The following HDAC11 variants were observed in gnomAD, a reference collection of about 807,000 sequenced individuals.
HDAC11 encodes histone deacetylase 11.
In HDAC11, 23 loss-of-function variants were observed where a neutral mutation model predicts 41.1. The observed-to-expected ratio is 0.56, with a 90% CI of 0.40 to 0.79. HDAC11 has a LOEUF of 0.79. Among genes scored for constraint, HDAC11 ranks in the 30% least tolerant of loss-of-function variants. The pLI is 0.00. For missense variants in HDAC11, 402 were observed against 477.3 expected (o/e 0.84, Z 1.47); for synonymous variants, 187 against 186.6 (o/e 1.00, Z -0.02).
chr3:13,486,588 T>C (rs939994696), intron 3 of HDAC11, among the ~76,000 whole-genome samples: 10 of 148,154 alleles, frequency 6.7e-5, no homozygotes, highest in Non-Finnish European at 1.2e-4. Context: ...TTTTTTTTTT[T>C]TTTTTTTGGA....
intron 3 of HDAC11, among the ~76,000 whole-genome samples, chr3:13,491,293 A>G (rs9857419): frequency 2.4e-3 from 360 of 152,144 alleles, no homozygotes; most frequent in African/African-American, 8.2e-3. Context: ...TCTTAGACAG[A>G]GGGCTTTCAA....
In HDAC11 at chr3:13,504,757, G is replaced by T. The variant is rs1246885347; in HGVS notation, c.*74G>T. The stretch of plus-strand genomic sequence containing the variant: ...GCTTTTTGTTTTCTAACCTCATGGG[G>T]TGGTGGAGGCAGCCTTCAGTGAGCA... On this transcript the variant is annotated 3_prime_UTR_variant, in exon 10 of 10. Transcript: ENST00000295757. The T allele has an allele frequency of 3.0e-6, 4 of 1,336,284 alleles. No homozygotes were observed. The African/African-American group carries it at 5.8e-5, about 19-fold the overall frequency. The allele number at this position is 1,336,284 out of a possible 1,614,324, so 82.8% of individuals were successfully genotyped here.
At position 13,498,571 on chromosome 3, in the gene HDAC11, G is replaced by A; in HGVS notation, c.412+16G>A. 6.2e-7 allele frequency: 1 copy of A among 1,613,556 alleles called. No individual in the cohort carries two copies. The highest frequency in any genetic ancestry group is 1.7e-5 in the Admixed American group (1 of 60,000). Reference sequence around the variant, plus strand: ...ATCAACGTGGGTGAGTGCTGGGAATGTCCTCGGGAATGTCCAGCCCGGCTT... The same window carrying A: ...ATCAACGTGGGTGAGTGCTGGGAATATCCTCGGGAATGTCCAGCCCGGCTT... On this transcript the variant is annotated intron_variant, in intron 5 of 9. Coordinates refer to ENST00000295757, the MANE Select transcript of HDAC11 (RefSeq NM_024827.4).
intron 2 of HDAC11, among the ~76,000 whole-genome samples, chr3:13,482,145 G>A (rs957227797): frequency 3.3e-5 from 5 of 152,266 alleles, no homozygotes; most frequent in Non-Finnish European, 4.4e-5. Flanking sequence ...AGCTCCAGGC[G>A]CCCTACCTTT....
At chr3:13,491,250 G>C (rs953526707) in intron 3 of HDAC11, among the ~76,000 whole-genome samples, 1 of 152,018 alleles carries the variant, frequency 6.6e-6, no homozygotes, top group African/African-American at 2.4e-5. Flanking sequence ...TTAAATAGCA[G>C]TAGTGGAGCA....
At chr3:13,498,593 G>A (rs762860634) in intron 5 of HDAC11, 38 bp downstream of exon 5, 33 of 1,608,822 alleles carry the variant, frequency 2.1e-5, no homozygotes, top group East Asian at 4.5e-5. Flanking sequence ...GTCCAGCCCG[G>A]CTTGGTGGAA....
Position 13,484,557 on chromosome 3 carries a change from G to A in HDAC11, c.252+993G>A, listed in dbSNP as rs1286979194. On this transcript the variant is annotated intron_variant, in intron 3 of 9. Coordinates refer to ENST00000295757, the MANE Select transcript of HDAC11 (RefSeq NM_024827.4). ...GATTTTTTTTTTGAGACTGAGTCTC[G>A]CTCTTGTTGAGCAGGCTGAAGTGCA... Among the ~76,000 whole-genome samples, 9 of 151,810 alleles carry A rather than the reference G, an allele frequency of 5.9e-5. No homozygotes were observed. The East Asian group carries it at 1.6e-3, about 26-fold the overall frequency.
chr3:13,491,335 G>A lies in HDAC11; in HGVS notation c.253-5401G>A, dbSNP rs1332254102. On this transcript the variant is annotated intron_variant, in intron 3 of 9. Coordinates refer to ENST00000295757, the MANE Select transcript of HDAC11 (RefSeq NM_024827.4). Reference sequence around the variant, plus strand: ...ACCATTGAGTATAATGTCAGCTGTGGGGTTAAATTTTTTAACGCCTTTTAT... The same window carrying A: ...ACCATTGAGTATAATGTCAGCTGTGAGGTTAAATTTTTTAACGCCTTTTAT... Among the ~76,000 whole-genome samples the A allele has an allele frequency of 2.6e-5, 4 of 152,068 alleles. No homozygotes were observed. The East Asian group carries it at 7.8e-4, about 29-fold the overall frequency.
chr3:13,481,099 G>A, intron 1 of HDAC11, 147 bp from the exon 2 acceptor site: 2 of 805,574 alleles, frequency 2.5e-6, no homozygotes, highest in East Asian at 2.7e-5. Flanking sequence ...GCCAGTTTAA[G>A]CAGCTGTTGT....
In HDAC11 at chr3:13,491,674, A is replaced by C. The variant is rs142005469; in HGVS notation, c.253-5062A>C. Among the ~76,000 whole-genome samples the C allele has an allele frequency of 3.3e-5, 5 of 152,350 alleles. No homozygotes were observed. The East Asian group carries it at 9.7e-4, about 29-fold the overall frequency. On this transcript the variant is annotated intron_variant, in intron 3 of 9. Coordinates refer to ENST00000295757, the MANE Select transcript of HDAC11 (RefSeq NM_024827.4). Reference sequence around the variant, plus strand: ...GAGTAGATGGGGCAGTAGGTCCCAGAGATATGGCCAGCCCCAGTCATGTCC... The same window carrying C: ...GAGTAGATGGGGCAGTAGGTCCCAGCGATATGGCCAGCCCCAGTCATGTCC...
At chr3:13,491,809 C>T (rs1701879078) in intron 3 of HDAC11, among the ~76,000 whole-genome samples, 1 of 152,214 alleles carries the variant, frequency 6.6e-6, no homozygotes, top group Non-Finnish European at 1.5e-5. Flanking sequence ...GGGCAGACCT[C>T]CCATGCTCAC....
chr3:13,495,159 C>T (rs866860235), intron 3 of HDAC11, among the ~76,000 whole-genome samples: 4 of 152,162 alleles, frequency 2.6e-5, no homozygotes, highest in South Asian at 2.1e-4. Context: ...CACCTGGCCT[C>T]CTGAGCACTG....
Position 13,483,582 on chromosome 3 carries a change from TGG to T in HDAC11, c.252+23_252+24del. On this transcript the variant is annotated intron_variant, in intron 3 of 9. Transcript: ENST00000295757. ...AGCTCAAGGTACAGGATGTCGGGCC[TGG>T]GGGGCTGCGGGCCTGGGGCAGGGGG... 7.9e-7 allele frequency: 1 copy of T among 1,268,476 alleles called. No homozygotes were observed. The highest frequency in any genetic ancestry group is 1.5e-5 in the African/African-American group (1 of 66,464). 78.6% of individuals were successfully genotyped at this position (1,268,476 alleles called of 1,614,324 possible).
chr3:13,500,827 C>T, intron 6 of HDAC11, 38 bp downstream of exon 6: 2 of 1,411,104 alleles, frequency 1.4e-6, no homozygotes, highest in Non-Finnish European at 1.9e-6. Flanking sequence ...CCTCCAAGAG[C>T]CCTCCTGGAA....
At chr3:13,495,446 A>G (rs375961415) in intron 3 of HDAC11, among the ~76,000 whole-genome samples, 2 of 151,864 alleles carry the variant, frequency 1.3e-5, no homozygotes, top group East Asian at 1.9e-4. Context: ...CATTACCCTC[A>G]CAGGCCCCAG....
At chr3:13,483,387 C>T in intron 2 of HDAC11, 77 bp from the exon 3 acceptor site, 4 of 1,265,604 alleles carry the variant, frequency 3.2e-6, no homozygotes, top group Non-Finnish European at 4.6e-6. Flanking sequence ...GCCAAGTCTG[C>T]AGCCTGTGGG....
At chr3:13,484,757 A>G (rs1701484027) in intron 3 of HDAC11, among the ~76,000 whole-genome samples, 1 of 152,242 alleles carries the variant, frequency 6.6e-6, no homozygotes, top group African/African-American at 2.4e-5. Flanking sequence ...AACTGGGCAC[A>G]CTGGCTGCCT....
chr3:13,502,878 C>T lies in HDAC11; in HGVS notation c.553-6C>T, dbSNP rs764929762. 3.7e-6 allele frequency: 6 copies of T among 1,612,670 alleles called. No individual in the cohort carries two copies. The South Asian group carries it at 4.4e-5, about 12-fold the overall frequency. ...CCCGAGAGCGGCTACTGTGACCTCC[C>T]CACAGGGCAATGGGCATGAGCGAGA... On this transcript the variant is annotated splice_region_variant and splice_polypyrimidine_tract_variant and intron_variant, in intron 7 of 9. Coordinates refer to ENST00000295757, the MANE Select transcript of HDAC11 (RefSeq NM_024827.4). This position sits in a 1 kb window ranked among gnomAD's most constrained non-coding sequence, Gnocchi z 4.1.
rs773903380 is a variant in HDAC11 at position 13,496,864 on chromosome 3, G to C, written c.369+12G>C. 17 of 1,411,728 alleles carry C rather than the reference G, an allele frequency of 1.2e-5. No homozygotes were observed. In the South Asian group the frequency reaches 2.0e-4, roughly 16 times the overall value. The allele number at this position is 1,411,728 out of a possible 1,614,324, so 87.5% of individuals were successfully genotyped here. On this transcript the variant is annotated intron_variant, in intron 4 of 9. Coordinates refer to ENST00000295757, the MANE Select transcript of HDAC11 (RefSeq NM_024827.4). ...GAGGAACCATAATGGTAGGTGGGGT[G>C]GGGGGGCATGGCTGGGCTGGGGGCC...
Sources: gnomAD v4.1 joint callset for allele counts (sites outside exome capture counted in the v4.1 genomes callset) on GRCh38, gnomAD v4.1.1 for gene constraint, Gnocchi (gnomAD v3.1) non-coding constraint, MANE v1.5 for transcripts, NCBI Gene and HGNC (gene_info 2026-07-23, HGNC 2026-07-21) for gene names.